Variants in CNOT1 observed in about 807,000 individuals in gnomAD.
CNOT1 encodes the protein CCR4-NOT transcription complex subunit 1.
In CNOT1, 15 loss-of-function variants were observed where a neutral mutation model predicts 273.8. The ratio of observed to expected loss-of-function variants is 0.05; its 90% CI spans 0.04 to 0.08. The LOEUF (loss-of-function observed/expected upper bound fraction) is 0.08. Ranked by LOEUF, CNOT1 falls within the 10% of genes least tolerant of loss-of-function variation. The pLI, the probability that CNOT1 is intolerant of heterozygous loss-of-function variation, is 1.00. For missense variants in CNOT1, 1,644 were observed against 2,912.2 expected (o/e 0.56, Z 10.02); for synonymous variants, 1,022 against 1,005.5 (o/e 1.02, Z -0.31).
intron 31 of CNOT1, 27 bp from the exon 32 acceptor site, chr16:58,542,595 G>C (rs28610927): frequency 2.0e-6 from 1 of 506,734 alleles, no homozygotes; most frequent in Non-Finnish European, 3.8e-6. Context: ...GTGGGGGGGT[G>C]GGGGGAATAG....
At chr16:58,603,359 G>C (rs2042540569) in intron 1 of CNOT1, among the ~76,000 whole-genome samples, 2 of 150,988 alleles carry the variant, frequency 1.3e-5, no homozygotes, top group African/African-American at 4.9e-5. Context: ...CACACCACTT[G>C]CATTCCAGCC....
At chr16:58,607,652 G>A (rs1044338736) in intron 1 of CNOT1, among the ~76,000 whole-genome samples, 3 of 147,668 alleles carry the variant, frequency 2.0e-5, no homozygotes, top group Non-Finnish European at 4.4e-5. Context: ...CTTGAATCCA[G>A]GAGGCAGAGG....
At chr16:58,591,920 G>T (rs2042072551) in intron 2 of CNOT1, among the ~76,000 whole-genome samples, 2 of 150,712 alleles carry the variant, frequency 1.3e-5, no homozygotes, top group Admixed American at 6.6e-5. Flanking sequence ...CGAAATCTCT[G>T]ACATCATAGA....
rs766885228 is a variant in CNOT1, at chr16:58,582,816, A to G, written c.1021T>C (p.Leu341=). The change falls in exon 10 of 49, where the codon TTG becomes CTG. Residue 341 remains leucine (L), a synonymous_variant. Transcript: ENST00000317147. Reference sequence around the variant, plus strand: ...ACCAGTTCTTTAAGAACGTCAATCAAGACTTCTACATTCCATGTGTGTGCC... The same window carrying G: ...ACCAGTTCTTTAAGAACGTCAATCAGGACTTCTACATTCCATGTGTGTGCC... ...AQAHTWNVEV[L]IDVLKELNPS... 2 of 1,514,916 alleles carry G rather than the reference A, an allele frequency of 1.3e-6. No individual in the cohort carries two copies. Among genetic ancestry groups the G allele is most frequent in the Non-Finnish European group, 1.8e-6 (2 of 1,089,466 alleles). 93.8% of individuals were successfully genotyped at this position (1,514,916 alleles called of 1,614,324 possible).
chr16:58,600,599 T>C (rs1172499221), intron 1 of CNOT1, among the ~76,000 whole-genome samples: 2 of 152,184 alleles, frequency 1.3e-5, no homozygotes, highest in Non-Finnish European at 2.9e-5. Context: ...AGTTTGGTCT[T>C]ATACCTTGGG....
chr16:58,560,925 T>C (rs2040816119), intron 16 of CNOT1, among the ~76,000 whole-genome samples: 1 of 152,076 alleles, frequency 6.6e-6, no homozygotes. Context: ...CTCGGGAGGC[T>C]GAGGCAGGAG....
intron 1 of CNOT1, among the ~76,000 whole-genome samples, chr16:58,614,521 T>C (rs2043010876): frequency 8.0e-6 from 1 of 124,540 alleles, no homozygotes; most frequent in African/African-American, 2.7e-5. Context: ...TAGCAAAAGC[T>C]TCCCTGCTAG....
At chr16:58,562,375 A>T (rs1485692946) in intron 16 of CNOT1, among the ~76,000 whole-genome samples, 4 of 151,792 alleles carry the variant, frequency 2.6e-5, no homozygotes, top group Non-Finnish European at 5.9e-5. Context: ...GTGGTGGCAC[A>T]TGCCTGTAGT....
At chr16:58,537,404 C>T (rs2039960205) in intron 38 of CNOT1, among the ~76,000 whole-genome samples, 184 bp from the exon 39 acceptor site, 2 of 152,196 alleles carry the variant, frequency 1.3e-5, no homozygotes, top group East Asian at 1.9e-4. Context: ...GCATACAACA[C>T]ACAAACAACT....
intron 16 of CNOT1, among the ~76,000 whole-genome samples, chr16:58,568,170 C>A (rs971455964): frequency 6.6e-6 from 1 of 151,842 alleles, no homozygotes; most frequent in African/African-American, 2.4e-5. Flanking sequence ...AGTTTGAGAC[C>A]AGCCTGCCCA....
intron 4 of CNOT1, 83 bp from the exon 5 acceptor site, chr16:58,587,496 G>A (rs1597524540): frequency 1.3e-6 from 2 of 1,575,648 alleles, no homozygotes; most frequent in East Asian, 4.5e-5. Flanking sequence ...GCCCAAGGAT[G>A]GCACTACATA....
intron 16 of CNOT1, among the ~76,000 whole-genome samples, chr16:58,573,052 A>AG (rs2041334314): frequency 6.6e-6 from 1 of 152,080 alleles, no homozygotes; most frequent in African/African-American, 2.4e-5. Flanking sequence ...CACACATGTA[A>AG]GCCCAGCACT....
intron 2 of CNOT1, among the ~76,000 whole-genome samples, chr16:58,594,763 C>T (rs1023560134): frequency 1.3e-5 from 2 of 150,646 alleles, no homozygotes; most frequent in African/African-American, 4.9e-5. Context: ...GATTATGCCA[C>T]TGCACTCCAG....
At chr16:58,594,062 T>C (rs554337828) in intron 2 of CNOT1, among the ~76,000 whole-genome samples, 1 of 152,130 alleles carries the variant, frequency 6.6e-6, no homozygotes, top group East Asian at 1.9e-4. Flanking sequence ...CTGACCAATA[T>C]GGAGAAACCC....
chr16:58,548,782 T>A (rs758966386), intron 25 of CNOT1: 2 of 368,058 alleles, frequency 5.4e-6, no homozygotes, highest in Non-Finnish European at 1.1e-5. Flanking sequence ...CAGTAGAATT[T>A]GACCTTAAAC....
At chr16:58,545,693 A>G (rs2040237367) in intron 29 of CNOT1, among the ~76,000 whole-genome samples, 1 of 152,190 alleles carries the variant, frequency 6.6e-6, no homozygotes, top group Admixed American at 6.5e-5. Context: ...AGTATGTTAA[A>G]CTATGTCAGT....
chr16:58,581,553 T>G, intron 10 of CNOT1, 38 bp from the exon 11 acceptor site: 1 of 1,537,874 alleles, frequency 6.5e-7, no homozygotes, highest in Non-Finnish European at 8.7e-7. Flanking sequence ...GTAATGAATG[T>G]GTGTATATTT....
At chr16:58,565,261 C>A (rs1279977992) in intron 16 of CNOT1, among the ~76,000 whole-genome samples, 2 of 152,092 alleles carry the variant, frequency 1.3e-5, no homozygotes, top group African/African-American at 4.8e-5. Flanking sequence ...TCCACGCATA[C>A]AGACCATGCC....
chr16:58,562,767 G>C (rs2151946603), intron 16 of CNOT1, among the ~76,000 whole-genome samples: 1 of 152,226 alleles, frequency 6.6e-6, no homozygotes, highest in African/African-American at 2.4e-5. Flanking sequence ...AGGATGCAAT[G>C]ACCTGAGATC....
Sources: gnomAD v4.1 joint callset for allele counts (sites outside exome capture counted in the v4.1 genomes callset) on GRCh38, gnomAD v4.1.1 for gene constraint, MANE v1.5 for transcripts, NCBI Gene and HGNC (gene_info 2026-07-23, HGNC 2026-07-21) for gene names.